Variants in BPIFC observed in about 807,000 individuals in gnomAD.
BPIFC encodes the protein BPI fold-containing family C protein.
In BPIFC, 60 loss-of-function variants were observed where a neutral mutation model predicts 57.6. The ratio of observed to expected loss-of-function variants is 1.04; its 90% CI spans 0.85 to 1.29. The LOEUF (loss-of-function observed/expected upper bound fraction) is 1.29. Ranked by LOEUF, BPIFC falls within the 50% of genes most tolerant of loss-of-function variation. The pLI is 0.00. For missense variants in BPIFC, 581 were observed against 600.5 expected (o/e 0.97, Z 0.34); for synonymous variants, 243 against 224.5 (o/e 1.08, Z -0.74).
chr22:32,452,067 A>G (rs1934908820), intron 4 of BPIFC, among the ~76,000 whole-genome samples: 1 of 151,772 alleles, frequency 6.6e-6, no homozygotes, highest in Non-Finnish European at 1.5e-5. Flanking sequence ...TGCCCAGCTA[A>G]TTTTTTGTAT....
intron 1 of BPIFC, among the ~76,000 whole-genome samples, chr22:32,462,178 A>AAAAAAAAAAAAGAAAAAAGAAAAAAAAT (rs1935177392): frequency 2.0e-5 from 3 of 146,462 alleles, no homozygotes; most frequent in African/African-American, 5.3e-5. Context: ...CAAAAAAAAA[A>AAAAAAAAAAAAGAAAAAAGAAAAAAAAT]AAAAAAAAAA....
chr22:32,429,731 G>A (rs562634648), intron 13 of BPIFC, among the ~76,000 whole-genome samples: 1 of 151,808 alleles, frequency 6.6e-6, no homozygotes, highest in East Asian at 2.0e-4. Flanking sequence ...TGGCCAGGCT[G>A]GTCTCGAACT....
chr22:32,442,486 C>A (rs1471803474), intron 8 of BPIFC, among the ~76,000 whole-genome samples, 185 bp downstream of exon 8: 3 of 152,130 alleles, frequency 2.0e-5, no homozygotes, highest in Admixed American at 2.0e-4. Context: ...TAGTTATTAG[C>A]CAAAGAGTAC....
intron 8 of BPIFC, among the ~76,000 whole-genome samples, chr22:32,441,051 C>T (rs1424673929): frequency 1.3e-5 from 2 of 152,050 alleles, no homozygotes; most frequent in Non-Finnish European, 2.9e-5. Context: ...TCAAACCATC[C>T]CCTCTTCCCC....
intron 2 of BPIFC, 84 bp from the exon 3 acceptor site, chr22:32,457,470 C>T: frequency 6.6e-7 from 1 of 1,504,074 alleles, no homozygotes; most frequent in Middle Eastern, 1.7e-4. Flanking sequence ...TAGATTTTCT[C>T]ATTTTTACTG....
intron 16 of BPIFC, among the ~76,000 whole-genome samples, chr22:32,414,833 T>C (rs60932326): frequency 0.02 from 2,977 of 152,024 alleles, 110 homozygotes; most frequent in African/African-American, 0.069. Flanking sequence ...CTACAGAGAG[T>C]CAGGCCCTCC....
At chr22:32,446,875 G>A in intron 5 of BPIFC, 1 of 878,748 alleles carries the variant, frequency 1.1e-6, no homozygotes, top group South Asian at 5.2e-5. Flanking sequence ...GGGGAAGTGT[G>A]TTGAATGGCT....
chr22:32,461,159 G>A (rs564222223), intron 2 of BPIFC, among the ~76,000 whole-genome samples: 1 of 152,152 alleles, frequency 6.6e-6, no homozygotes, highest in Non-Finnish European at 1.5e-5. Flanking sequence ...GGGAATAGGA[G>A]GGGGACACTC....
At position 32,464,300 on chromosome 22, in the gene BPIFC, C is replaced by T. The variant is rs571098445; in HGVS notation, c.-89+74G>A. The T allele has an allele frequency of 3.1e-5, 21 of 678,310 alleles. No individual in the cohort carries two copies. The African/African-American group carries it at 3.7e-4, about 12-fold the overall frequency. 42.0% of individuals were successfully genotyped at this position (678,310 alleles called of 1,614,324 possible). On this transcript the variant is annotated intron_variant, in intron 1 of 16. Coordinates refer to ENST00000300399, the MANE Select transcript of BPIFC (RefSeq NM_174932.3). Reference sequence around the variant, plus strand: ...TATGACAGCTGCCTGTTCAAAGTGTCCTACCAAATCTGGGACATCTCCAGT... The same window carrying T: ...TATGACAGCTGCCTGTTCAAAGTGTTCTACCAAATCTGGGACATCTCCAGT...
At chr22:32,464,216 C>T (rs1001608131) in intron 1 of BPIFC, among the ~76,000 whole-genome samples, 158 bp downstream of exon 1, 1 of 152,052 alleles carries the variant, frequency 6.6e-6, no homozygotes, top group Non-Finnish European at 1.5e-5. Context: ...TGACATCACA[C>T]AAACAAACAA....
intron 10 of BPIFC, 77 bp downstream of exon 10, chr22:32,435,627 T>A (rs1934367486): frequency 6.8e-7 from 1 of 1,463,102 alleles, no homozygotes; most frequent in Non-Finnish European, 9.2e-7. Flanking sequence ...AATTGTGGCA[T>A]AAAAGTTCTA....
intron 8 of BPIFC, among the ~76,000 whole-genome samples, chr22:32,440,515 A>G (rs780161749): frequency 6.6e-6 from 1 of 152,172 alleles, no homozygotes; most frequent in African/African-American, 2.4e-5. Context: ...CCTGCACCCA[A>G]GGAACTCATA....
chr22:32,437,372 TG>T (rs1459921490), intron 9 of BPIFC, among the ~76,000 whole-genome samples: 1 of 152,140 alleles, frequency 6.6e-6, no homozygotes, highest in African/African-American at 2.4e-5. Flanking sequence ...CATTGTTTTT[TG>T]TTTTTGTTTT....
chr22:32,457,696 A>G (rs139723927), intron 2 of BPIFC, among the ~76,000 whole-genome samples: 55 of 152,262 alleles, frequency 3.6e-4, no homozygotes, highest in African/African-American at 1.2e-3. Flanking sequence ...TGACCTACAC[A>G]TGGCCCCTGA....
chr22:32,448,803 T>C (rs1434487362), intron 4 of BPIFC, among the ~76,000 whole-genome samples: 2 of 152,016 alleles, frequency 1.3e-5, no homozygotes. Context: ...CCGGGTGTGG[T>C]GGCATGTGCC....
At chr22:32,430,770 A>G (rs1452406415) in intron 13 of BPIFC, among the ~76,000 whole-genome samples, 1 of 151,830 alleles carries the variant, frequency 6.6e-6, no homozygotes. Flanking sequence ...CTTCCTGAGT[A>G]GTTGGGATTA....
intron 5 of BPIFC, among the ~76,000 whole-genome samples, chr22:32,446,491 T>C (rs1177266539): frequency 6.6e-6 from 1 of 152,178 alleles, no homozygotes; most frequent in Non-Finnish European, 1.5e-5. Context: ...TGATGAGTCA[T>C]TGAATAAATG....
intron 4 of BPIFC, among the ~76,000 whole-genome samples, chr22:32,450,183 C>T (rs1408408899): frequency 6.6e-6 from 1 of 151,458 alleles, no homozygotes; most frequent in Non-Finnish European, 1.5e-5. Context: ...AGATTATATA[C>T]TGTATTTTTA....
chr22:32,436,692 T>G (rs1345019645), intron 9 of BPIFC, among the ~76,000 whole-genome samples: 3 of 152,196 alleles, frequency 2.0e-5, no homozygotes, highest in Admixed American at 2.0e-4. Flanking sequence ...AGGACAACTC[T>G]GAGTAAAAGC....
Sources: gnomAD v4.1 joint callset for allele counts (sites outside exome capture counted in the v4.1 genomes callset) on GRCh38, gnomAD v4.1.1 for gene constraint, MANE v1.5 for transcripts, NCBI Gene and HGNC (gene_info 2026-07-23, HGNC 2026-07-21) for gene names.